The following TSHZ2 variants were observed in gnomAD, a reference collection of about 807,000 sequenced individuals.
The protein encoded by TSHZ2 is teashirt zinc finger homeobox 2, also known as teashirt homolog 2.
A neutral mutation model predicts 74.4 loss-of-function variants in TSHZ2; 21 were observed. The observed-to-expected ratio is 0.28, with a 90% CI of 0.20 to 0.41. The LOEUF is 0.41. TSHZ2 is among the 10% of genes least tolerant of loss of function. The pLI is 1.00. For synonymous variants in TSHZ2, 540 were observed against 515.3 expected (o/e 1.05, Z -0.65); for missense variants, 1,244 against 1,293.5 (o/e 0.96, Z 0.59).
intron 1 of TSHZ2, among the ~76,000 whole-genome samples, chr20:53,009,515 G>A (rs140931908): frequency 3.9e-4 from 60 of 152,242 alleles, no homozygotes; most frequent in African/African-American, 1.4e-3. Flanking sequence ...TAAAACTTAT[G>A]AATTGTTTAT....
At chr20:53,316,377 C>G (rs752759993) in intron 2 of TSHZ2, among the ~76,000 whole-genome samples, 3 of 151,940 alleles carry the variant, frequency 2.0e-5, no homozygotes, top group African/African-American at 7.3e-5. Flanking sequence ...GAAAAAGAAC[C>G]CTCCAGGAGC....
intron 2 of TSHZ2, among the ~76,000 whole-genome samples, chr20:53,313,040 G>C (rs1035610718): frequency 3.9e-5 from 6 of 152,170 alleles, no homozygotes; most frequent in Non-Finnish European, 8.8e-5. Flanking sequence ...ATATTATGCT[G>C]TTTGAAAAGA....
chr20:53,070,775 A>C (rs1675673345), intron 1 of TSHZ2, among the ~76,000 whole-genome samples: 1 of 152,224 alleles, frequency 6.6e-6, no homozygotes, highest in Non-Finnish European at 1.5e-5. Flanking sequence ...GTTGTTACTG[A>C]GGAAGAGCCT....
At chr20:53,378,655 T>C (rs575113576) in intron 2 of TSHZ2, among the ~76,000 whole-genome samples, 1 of 152,276 alleles carries the variant, frequency 6.6e-6, no homozygotes, top group African/African-American at 2.4e-5. Context: ...CATACATCTC[T>C]GGTAATAAAT....
chr20:53,380,163 T>TGTGTGCGTGC (rs3971382), intron 2 of TSHZ2, among the ~76,000 whole-genome samples: 112 of 151,056 alleles, frequency 7.4e-4, no homozygotes, highest in Middle Eastern at 6.8e-3. Flanking sequence ...TGTGTGTGTG[T>TGTGTGCGTGC]GCACACGCAT....
chr20:53,083,671 T>C (rs1280720701), intron 1 of TSHZ2, among the ~76,000 whole-genome samples: 1 of 152,232 alleles, frequency 6.6e-6, no homozygotes, highest in Non-Finnish European at 1.5e-5. Flanking sequence ...ATTTAACTAA[T>C]TGAAGTATCA....
At chr20:53,217,513 T>C (rs1026162491) in intron 1 of TSHZ2, among the ~76,000 whole-genome samples, 2 of 152,214 alleles carry the variant, frequency 1.3e-5, no homozygotes, top group African/African-American at 4.8e-5. Context: ...TGCCAGGGGC[T>C]GCAAACCCAC....
Position 53,256,505 on chromosome 20 carries a change from C to T in TSHZ2, c.3047C>T (p.Thr1016Met), listed in dbSNP as rs200356396. 1.1e-4 allele frequency: 180 copies of T among 1,612,248 alleles called. No individual in the cohort carries two copies. The highest frequency in any genetic ancestry group is 8.9e-4 in the East Asian group (40 of 44,862). The change falls in exon 2 of 3, where the codon ACG becomes ATG. Residue 1016 changes from threonine (T) to methionine (M), a missense_variant. Thr to Met is a moderately conservative substitution (Grantham distance 81). Around this residue, in one of 6 missense-constraint regions of TSHZ2, gnomAD observed 185 missense variants for 213.3 expected, o/e 0.87. Coordinates refer to ENST00000371497, the MANE Select transcript of TSHZ2 (RefSeq NM_173485.6). This position sits in a 1 kb window ranked among gnomAD's most constrained non-coding sequence, Gnocchi z 4.3. ...KHAVKLHLSK[T>M]HSKSPEHHSQ... The stretch of plus-strand genomic sequence containing the variant: ...GCGGTAAAACTCCACCTAAGCAAAA[C>T]GCACAGCAAGTCACCCGAACACCAT...
At chr20:53,143,750 A>G (rs908231718) in intron 1 of TSHZ2, among the ~76,000 whole-genome samples, 1 of 152,154 alleles carries the variant, frequency 6.6e-6, no homozygotes, top group Non-Finnish European at 1.5e-5. Flanking sequence ...CTTGACTTAG[A>G]GTTGCCTTGT....
chr20:53,107,105 A>C (rs17331292), intron 1 of TSHZ2, among the ~76,000 whole-genome samples: 10,740 of 152,234 alleles, frequency 0.071, 451 homozygotes, highest in Non-Finnish European at 0.1. Context: ...TGCCCAGAAC[A>C]GGCCCTAGAA....
chr20:53,142,882 C>T (rs774170907), intron 1 of TSHZ2, among the ~76,000 whole-genome samples: 49 of 151,576 alleles, frequency 3.2e-4, no homozygotes, highest in South Asian at 2.1e-4. Context: ...GCATGTAAGA[C>T]GATAATGAGC....
At chr20:52,986,786 C>T (rs1483025488) in intron 1 of TSHZ2, among the ~76,000 whole-genome samples, 1 of 152,086 alleles carries the variant, frequency 6.6e-6, no homozygotes, top group African/African-American at 2.4e-5. Context: ...CAATGTATGG[C>T]AAATGATATG....
chr20:53,129,098 G>A (rs62208264), intron 1 of TSHZ2, among the ~76,000 whole-genome samples: 29,269 of 152,030 alleles, frequency 0.19, 3,402 homozygotes, highest in Non-Finnish European at 0.26. Context: ...ATTATATCCA[G>A]TGAAACATTG....
intron 1 of TSHZ2, among the ~76,000 whole-genome samples, chr20:53,173,358 C>T (rs1988246953): frequency 6.6e-6 from 1 of 152,118 alleles, no homozygotes; most frequent in African/African-American, 2.4e-5. Context: ...CCTGTAATCC[C>T]AACACTTTGG....
chr20:53,292,447 ATTTTT>A lies in TSHZ2; in HGVS notation c.*8+35890_*8+35894del, dbSNP rs149635565. Among the ~76,000 whole-genome samples the A allele has an allele frequency of 4.1e-3, 574 of 141,410 alleles. 5 individuals are homozygous for A. Among genetic ancestry groups the A allele is most frequent in the South Asian group, 0.032 (141 of 4,380 alleles). 92.8% of individuals were successfully genotyped at this position (141,410 alleles called of 152,430 possible). A position where few individuals can be genotyped will look rare whatever the true frequency, so the allele number is the denominator to read the frequency against. On this transcript the variant is annotated intron_variant, in intron 2 of 2. Coordinates refer to ENST00000371497, the MANE Select transcript of TSHZ2 (RefSeq NM_173485.6). ...GCCAGTAAATGCACACAAACCACCT[ATTTTT>A]TTTTTTTTTTTTTGAGACAGGGTCT...
intron 1 of TSHZ2, among the ~76,000 whole-genome samples, chr20:52,984,452 G>A (rs1237956140): frequency 6.6e-6 from 1 of 152,182 alleles, no homozygotes; most frequent in Non-Finnish European, 1.5e-5. Flanking sequence ...TGAAGCGGTT[G>A]GAAGAAAACT....
chr20:53,276,895 C>G (rs1472642812), intron 2 of TSHZ2, among the ~76,000 whole-genome samples: 1 of 152,232 alleles, frequency 6.6e-6, no homozygotes, highest in African/African-American at 2.4e-5. Context: ...TTGAGCCTGT[C>G]TGACACTCTG....
At chr20:53,483,976 C>T (rs895166201) in intron 2 of TSHZ2, among the ~76,000 whole-genome samples, 3 of 152,172 alleles carry the variant, frequency 2.0e-5, no homozygotes, top group African/African-American at 7.2e-5. Context: ...TGCAGTAGGC[C>T]TGGTGTGAAA....
At chr20:53,459,210 C>A (rs1356147057) in intron 2 of TSHZ2, among the ~76,000 whole-genome samples, 1 of 152,178 alleles carries the variant, frequency 6.6e-6, no homozygotes, top group African/African-American at 2.4e-5. Context: ...TTGTAGGTCA[C>A]TCAGGACATG....
Sources: allele counts gnomAD v4.1 joint callset (sites outside exome capture counted in the v4.1 genomes callset), GRCh38; gene constraint gnomAD v4.1.1; regional missense constraint gnomAD v4.1.1; non-coding constraint Gnocchi (gnomAD v3.1); transcripts MANE v1.5; gene names NCBI Gene and HGNC (gene_info 2026-07-23, HGNC 2026-07-21).